RFX3: variants seen among roughly 807,000 people sequenced by gnomAD.
RFX3 encodes transcription factor RFX3.
RFX3 carries 14 observed loss-of-function variants against 98.6 expected under a neutral mutation model. The ratio of observed to expected loss-of-function variants is 0.14; its 90% CI spans 0.09 to 0.22. The LOEUF (loss-of-function observed/expected upper bound fraction) is 0.22, where lower values mean the gene tolerates loss of function less well. Among genes scored for constraint, RFX3 ranks in the 10% least tolerant of loss-of-function variants. RFX3 has a pLI of 1.00. For missense variants in RFX3, 639 were observed against 926.9 expected (o/e 0.69, Z 4.03); for synonymous variants, 383 against 328.4 (o/e 1.17, Z -1.80).
intron 4 of RFX3, among the ~76,000 whole-genome samples, chr9:3,320,785 ATAT>A (rs895703884): frequency 8.1e-5 from 10 of 123,082 alleles, no homozygotes; most frequent in African/African-American, 4.1e-4. Flanking sequence ...ATATATATAT[ATAT>A]ATATATATAT....
At chr9:3,301,777 C>A (rs1373517737) in intron 4 of RFX3, among the ~76,000 whole-genome samples, 157 bp from the exon 5 acceptor site, 1 of 151,794 alleles carries the variant, frequency 6.6e-6, no homozygotes, top group African/African-American at 2.4e-5. Context: ...TCTTCCCCAC[C>A]CTCCAGAGAA....
chr9:3,424,487 G>C (rs371109548), intron 1 of RFX3, among the ~76,000 whole-genome samples: 19 of 142,804 alleles, frequency 1.3e-4, no homozygotes, highest in Admixed American at 1.2e-3. Context: ...TCAGCCTCCC[G>C]AGTAGCTGGG....
Position 3,450,394 on chromosome 9 carries a change from AT to A in RFX3, c.-8-54799del, listed in dbSNP as rs1238555200. On this transcript the variant is annotated intron_variant, in intron 1 of 16. Transcript: ENST00000617270. ...CATGTTTTTCTCTCTTTTTTTTGCT[AT>A]TTTTTTGTTTTTCTCTTTCCTTAAC... Among the ~76,000 whole-genome samples the A allele has an allele frequency of 4.0e-5, 6 of 151,858 alleles. 1 individual carries two copies. In the South Asian group the frequency reaches 1.3e-3, roughly 32 times the overall value.
intron 15 of RFX3, among the ~76,000 whole-genome samples, chr9:3,236,879 T>A (rs1207121768): frequency 2.0e-5 from 3 of 152,244 alleles, no homozygotes; most frequent in African/African-American, 7.2e-5. Context: ...TGTATTTGTA[T>A]ATGTATACAT....
At chr9:3,295,949 C>T (rs547994515) in intron 5 of RFX3, among the ~76,000 whole-genome samples, 179 of 151,962 alleles carry the variant, frequency 1.2e-3, no homozygotes, top group African/African-American at 4.1e-3. Context: ...ACAAATAAAA[C>T]ATTTAAAAAA....
At chr9:3,471,809 C>G (rs1848803118) in intron 1 of RFX3, among the ~76,000 whole-genome samples, 2 of 152,220 alleles carry the variant, frequency 1.3e-5, no homozygotes, top group Admixed American at 1.3e-4. Context: ...ATAGAACAGA[C>G]AGCAGTACTG....
At chr9:3,308,461 A>T (rs979225983) in intron 4 of RFX3, among the ~76,000 whole-genome samples, 4 of 152,178 alleles carry the variant, frequency 2.6e-5, no homozygotes, top group Middle Eastern at 3.2e-3. Context: ...GTGATAAAAG[A>T]CGATGAAAAG....
intron 1 of RFX3, among the ~76,000 whole-genome samples, chr9:3,482,645 A>G (rs893354276): frequency 6.6e-6 from 1 of 152,224 alleles, no homozygotes; most frequent in African/African-American, 2.4e-5. Context: ...TTTACATTTT[A>G]TTCCTTTTTC....
intron 2 of RFX3, among the ~76,000 whole-genome samples, chr9:3,365,246 G>C (rs1382940503): frequency 7.0e-6 from 1 of 143,784 alleles, no homozygotes; most frequent in African/African-American, 2.6e-5. Context: ...GTTGCAGTGA[G>C]CCGAGATCAC....
chr9:3,363,528 G>T (rs1315580039), intron 2 of RFX3, among the ~76,000 whole-genome samples: 1 of 152,120 alleles, frequency 6.6e-6, no homozygotes, highest in African/African-American at 2.4e-5. Flanking sequence ...TGCAGCCAAA[G>T]CACTATAGTC....
chr9:3,391,943 G>A (rs1564032877), intron 2 of RFX3, among the ~76,000 whole-genome samples: 1 of 152,132 alleles, frequency 6.6e-6, no homozygotes, highest in South Asian at 2.1e-4. Flanking sequence ...AAAAGAGAAA[G>A]ATTAATTAAA....
At chr9:3,374,239 G>C (rs966062283) in intron 2 of RFX3, among the ~76,000 whole-genome samples, 1 of 152,110 alleles carries the variant, frequency 6.6e-6, no homozygotes, top group African/African-American at 2.4e-5. Flanking sequence ...ATGTGAAATG[G>C]TATAGCTGTT....
chr9:3,490,297 C>A (rs1356694888), intron 1 of RFX3: 3 of 982,650 alleles, frequency 3.1e-6, no homozygotes, highest in African/African-American at 1.8e-5. Context: ...CCTTCCAGAG[C>A]CAAACTCAAC....
At chr9:3,404,860 C>A (rs1841816083) in intron 1 of RFX3, among the ~76,000 whole-genome samples, 1 of 152,104 alleles carries the variant, frequency 6.6e-6, no homozygotes, top group South Asian at 2.1e-4. Context: ...TCTTTCACCA[C>A]CAAACTTGTT....
At chr9:3,331,547 T>C (rs974308723) in intron 3 of RFX3, among the ~76,000 whole-genome samples, 2 of 152,168 alleles carry the variant, frequency 1.3e-5, no homozygotes, top group African/African-American at 4.8e-5. Context: ...GAGAGTTTGG[T>C]GTATATGTTT....
chr9:3,247,951 C>T lies in RFX3; in HGVS notation c.1968+81G>A, dbSNP rs2229356. On this transcript the variant is annotated intron_variant, in intron 15 of 16. Coordinates refer to ENST00000617270, the MANE Select transcript of RFX3 (RefSeq NM_001282116.2). ...CTTGGTTAGGAACCATGGTTTTAATCAATAATGTATTTAGACTGAAGTGTA... is the reference window on the plus strand; with the variant it reads ...CTTGGTTAGGAACCATGGTTTTAATTAATAATGTATTTAGACTGAAGTGTA... 20,950 of 1,613,454 alleles carry T rather than the reference C, an allele frequency of 0.013. 2,020 individuals carry two copies. In the African/African-American group the frequency reaches 0.23, roughly 18 times the overall value.
At chr9:3,366,682 CTTCTTTCTTTCCTTTCTTTCTTTCT>C (rs1837131165) in intron 2 of RFX3, among the ~76,000 whole-genome samples, 3 of 69,970 alleles carry the variant, frequency 4.3e-5, no homozygotes, top group Non-Finnish European at 9.1e-5. Flanking sequence ...CTCTTTCTTT[CTTCTTTCTTTCCTTTCTTTCTTTCT>C]TTCTTTCTTT....
intron 1 of RFX3, among the ~76,000 whole-genome samples, chr9:3,469,868 G>T (rs1260462370): frequency 1.3e-5 from 2 of 150,600 alleles, no homozygotes; most frequent in Non-Finnish European, 3.0e-5. Context: ...AAAAATTATA[G>T]CTCATGTGTA....
intron 1 of RFX3, among the ~76,000 whole-genome samples, chr9:3,484,397 G>A (rs1850070901): frequency 1.3e-5 from 2 of 152,320 alleles, no homozygotes; most frequent in South Asian, 4.1e-4. Flanking sequence ...AGCTAAAGGA[G>A]TCAGTAGACT....
Sources: gnomAD v4.1 joint callset for allele counts (sites outside exome capture counted in the v4.1 genomes callset) on GRCh38, gnomAD v4.1.1 for gene constraint, MANE v1.5 for transcripts, NCBI Gene and HGNC (gene_info 2026-07-23, HGNC 2026-07-21) for gene names.